The following BTD variants were observed in gnomAD, a reference collection of about 807,000 sequenced individuals.
BTD encodes biocytinase.
Under a neutral mutation model 17.7 loss-of-function variants are expected in BTD, and 13 were observed. That is an observed-to-expected ratio of 0.74 (90% CI 0.48 to 1.17). The LOEUF (loss-of-function observed/expected upper bound fraction) is 1.17, where lower values mean the gene tolerates loss of function less well. BTD is among the 50% of genes most tolerant of loss of function. BTD has a pLI of 0.00. For synonymous variants in BTD, 240 were observed against 245.2 expected, an observed-to-expected ratio of 0.98 and a Z score of 0.20; for missense variants, 674 against 650.4, an observed-to-expected ratio of 1.04 and a Z score of -0.39.
chr3:15,668,521 A>C (rs1280095718), intron 3 of BTD: 2 of 152,566 alleles, frequency 1.3e-5, no homozygotes, highest in South Asian at 2.1e-4. Context: ...ATTTTAGAAA[A>C]AATGCTTAAA....
At chr3:15,711,709 CAG>C (rs1345892649) in exon 4 of BTD, among the ~76,000 whole-genome samples, 4 of 151,146 alleles carry the variant, frequency 2.6e-5, no homozygotes, top group Non-Finnish European at 5.9e-5. Context: ...TTTTTTGAGA[CAG>C]AGTCTCGCTC....
At chr3:15,696,640 ATG>A (rs1683552702) in intron 3 of BTD, among the ~76,000 whole-genome samples, 1 of 152,106 alleles carries the variant, frequency 6.6e-6, no homozygotes, top group African/African-American at 2.4e-5. Context: ...AGAACACAGA[ATG>A]AGTAAATTTT....
chr3:15,698,044 T>C (rs1280628586), intron 3 of BTD, among the ~76,000 whole-genome samples: 2 of 152,208 alleles, frequency 1.3e-5, no homozygotes, highest in African/African-American at 4.8e-5. Flanking sequence ...TATTCTCTGA[T>C]TGTAGTTTGT....
intron 3 of BTD, among the ~76,000 whole-genome samples, chr3:15,643,049 A>T (rs201409176): frequency 4.6e-5 from 3 of 64,646 alleles, no homozygotes; most frequent in African/African-American, 1.7e-4. Flanking sequence ...AAAAAATAAA[A>T]TAAAATAAAG....
intron 3 of BTD, chr3:15,677,138 C>T: frequency 8.9e-7 from 1 of 1,124,532 alleles, no homozygotes; most frequent in Non-Finnish European, 1.3e-6. Flanking sequence ...CAATCCTAGT[C>T]CATATATTAT....
chr3:15,629,631 C>A (rs530810136), intron 1 of BTD, among the ~76,000 whole-genome samples: 1 of 152,320 alleles, frequency 6.6e-6, no homozygotes, highest in South Asian at 2.1e-4. Flanking sequence ...TCAAGCGATT[C>A]TCCTGCCTCA....
chr3:15,638,445 G>A (rs2065415893), intron 2 of BTD, among the ~76,000 whole-genome samples: 1 of 152,172 alleles, frequency 6.6e-6, no homozygotes, highest in South Asian at 2.1e-4. Flanking sequence ...CCACAGACTT[G>A]TCTTCCACAA....
chr3:15,646,849 C>G lies in BTD; in HGVS notation c.*1361C>G, dbSNP rs2065705735. The G allele has an allele frequency of 6.6e-6, 1 of 152,178 alleles. No homozygotes were observed. The highest frequency in any genetic ancestry group is 2.4e-5 in the African/African-American group (1 of 41,432). The allele number at this position is 152,178 out of a possible 1,614,324, so 9.4% of individuals were successfully genotyped here. ...ACGGTGTAGGCCTCCAGATCCTTTT[C>G]TGGCTTTTAGGCAGGACAATTAACA... On this transcript the variant is annotated 3_prime_UTR_variant, in exon 4 of 4. Transcript: ENST00000643237.
rs554705284 is a variant in BTD at position 15,648,182 on chromosome 3, G to A, written c.*2694G>A. ...AGAGAGGACCGATGGTGAGTCGGCC[G>A]CTCTTGATTCTCAATGAAACTCAGA... On this transcript the variant is annotated 3_prime_UTR_variant, in exon 4 of 4. Coordinates refer to ENST00000643237, the MANE Select transcript of BTD (RefSeq NM_001370658.1). 1.3e-5 allele frequency among the ~76,000 whole-genome samples: 2 copies of A among 152,324 alleles called. No homozygotes were observed. Among genetic ancestry groups the A allele is most frequent in the African/African-American group, 4.8e-5 (2 of 41,578 alleles).
At chr3:15,683,200 T>A (rs901977092) in intron 3 of BTD, among the ~76,000 whole-genome samples, 5 of 152,096 alleles carry the variant, frequency 3.3e-5, no homozygotes, top group Non-Finnish European at 7.4e-5. Context: ...TATATTTTTT[T>A]AAAAACCAAG....
Position 15,635,668 on chromosome 3 carries a change from G to A in BTD, c.229G>A (p.Val77Met), listed in dbSNP as rs1559592900. 6.2e-7 allele frequency: 1 copy of A among 1,614,212 alleles called. No individual in the cohort carries two copies. Among genetic ancestry groups the A allele is most frequent in the East Asian group, 2.2e-5 (1 of 44,890 alleles). The change falls in exon 2 of 4, where the codon GTG becomes ATG. Residue 77 changes from valine to methionine, a missense_variant. Physicochemically the swap from Val to Met is conservative, Grantham distance 21 (BLOSUM62 1). Coordinates refer to ENST00000643237, the MANE Select transcript of BTD (RefSeq NM_001370658.1). The surrounding 1 kb of genome is among the most constrained non-coding windows in gnomAD (Gnocchi z 4.1). Reference protein sequence around the residue: ...NQNLDIYEQQVMTAAQKDVQI... With the variant: ...NQNLDIYEQQMMTAAQKDVQI... Reference sequence around the variant, plus strand: ...GAACCTTGACATCTATGAACAGCAAGTGATGACTGCAGCCCAAAAGGCAAG... The same window carrying A: ...GAACCTTGACATCTATGAACAGCAAATGATGACTGCAGCCCAAAAGGCAAG...
intron 3 of BTD, chr3:15,670,483 C>T: frequency 6.2e-7 from 1 of 1,613,940 alleles, no homozygotes. Context: ...AGACAGGCAT[C>T]ATGGTGGCCA....
chr3:15,716,281 C>CA (rs2073031136), downstream of BTD, among the ~76,000 whole-genome samples: 1 of 113,680 alleles, frequency 8.8e-6, no homozygotes, highest in South Asian at 2.8e-4. Flanking sequence ...CGCACCTGGA[C>CA]TTTTTTTTTT....
intron 1 of BTD, chr3:15,606,665 T>C (rs1480105014): frequency 2.0e-5 from 3 of 152,332 alleles, no homozygotes; most frequent in East Asian, 1.9e-4. Flanking sequence ...AGAAAAATCA[T>C]TGGGATTGTT....
intron 2 of BTD, among the ~76,000 whole-genome samples, chr3:15,638,770 C>T (rs921430068): frequency 1.2e-4 from 19 of 152,212 alleles, no homozygotes; most frequent in Non-Finnish European, 7.3e-5. Flanking sequence ...GCCTACTATG[C>T]GCCTAGGCTA....
chr3:15,614,355 A>G (rs1268567688), intron 1 of BTD, among the ~76,000 whole-genome samples: 2 of 151,886 alleles, frequency 1.3e-5, no homozygotes, highest in East Asian at 3.9e-4. Flanking sequence ...GCCTCAAGTG[A>G]TCCTCTCATC....
exon 5 of BTD, among the ~76,000 whole-genome samples, chr3:15,722,032 CCT>C (rs775771377): frequency 8.0e-4 from 122 of 152,128 alleles, no homozygotes; most frequent in Middle Eastern, 3.4e-3. Flanking sequence ...GGCGTGAGAC[CCT>C]GTGCCCAGCC....
At chr3:15,687,954 T>A (rs1310524235) in intron 3 of BTD, among the ~76,000 whole-genome samples, 1 of 152,168 alleles carries the variant, frequency 6.6e-6, no homozygotes, top group Non-Finnish European at 1.5e-5. Flanking sequence ...AAACCCTCAG[T>A]GTTCTTTTCA....
At chr3:15,601,374 C>A, upstream of BTD, 10 of 1,614,104 alleles carry the variant, frequency 6.2e-6, no homozygotes, top group Non-Finnish European at 8.5e-6. Flanking sequence ...CCAGGAAGGT[C>A]CATCGTACTT....
Sources: allele counts gnomAD v4.1 joint callset (sites outside exome capture counted in the v4.1 genomes callset), GRCh38; gene constraint gnomAD v4.1.1; non-coding constraint Gnocchi (gnomAD v3.1); transcripts MANE v1.5; gene names NCBI Gene and HGNC (gene_info 2026-07-23, HGNC 2026-07-21).